Variants in KIF3C observed in about 807,000 individuals in gnomAD.
KIF3C encodes kinesin family member 3C.
A neutral mutation model predicts 67.7 loss-of-function variants in KIF3C; 12 were observed. That is an observed-to-expected ratio of 0.18 (90% CI 0.11 to 0.29). The LOEUF is 0.29. Ranked by LOEUF, KIF3C falls within the 10% of genes least tolerant of loss-of-function variation. The pLI is 1.00. For synonymous variants in KIF3C, 393 were observed against 426.2 expected (o/e 0.92, Z 0.96); for missense variants, 789 against 1,059.6 (o/e 0.74, Z 3.55).
intron 1 of KIF3C, among the ~76,000 whole-genome samples, chr2:25,959,287 G>T (rs977706277): frequency 1.3e-5 from 2 of 152,130 alleles, no homozygotes; most frequent in African/African-American, 2.4e-5. Flanking sequence ...TCTCATAATA[G>T]AATAATTATT....
At chr2:25,963,167 T>TGG (rs2149238535) in intron 1 of KIF3C, among the ~76,000 whole-genome samples, 1 of 48,564 alleles carries the variant, frequency 2.1e-5, no homozygotes, top group African/African-American at 1.3e-4. Flanking sequence ...TGTATGTATG[T>TGG]GTGTGTGTAT....
chr2:25,954,950 C>A (rs1215217003), intron 3 of KIF3C, among the ~76,000 whole-genome samples: 1 of 152,200 alleles, frequency 6.6e-6, no homozygotes, highest in Non-Finnish European at 1.5e-5. Context: ...GTGGCAGTGC[C>A]TCTGCCAGGC....
chr2:25,939,432 C>T (rs1663229969), intron 5 of KIF3C, among the ~76,000 whole-genome samples: 1 of 152,164 alleles, frequency 6.6e-6, no homozygotes, highest in Non-Finnish European at 1.5e-5. Context: ...CTTGTCTGAA[C>T]TCTCAGCCTT....
chr2:25,981,173 C>T lies in KIF3C; in HGVS notation c.745G>A (p.Gly249Ser), dbSNP rs1664581372. ...VGKLNLVDLAGSERQNKAGPN... is the reference protein window; with the variant it reads ...VGKLNLVDLASSERQNKAGPN... ...CCTGCCTTGTTCTGCCTCTCGCTGC[C>T]AGCCAGGTCCACGAGGTTGAGCTTG... The change falls in exon 1 of 8, where the codon GGC (glycine) becomes AGC (serine). Residue 249 changes from glycine (G) to serine (S), a missense_variant. Coordinates refer to ENST00000264712, the MANE Select transcript of KIF3C (RefSeq NM_002254.8). The surrounding 1 kb of genome is among the most constrained non-coding windows in gnomAD (Gnocchi z 8.2). The T allele has an allele frequency of 6.2e-7, 1 of 1,614,018 alleles. No homozygotes were observed. Among genetic ancestry groups the T allele is most frequent in the Non-Finnish European group, 8.5e-7 (1 of 1,180,048 alleles).
Position 25,928,815 on chromosome 2 carries a change from G to T in KIF3C, c.*163C>A. The T allele has an allele frequency of 1.7e-6, 1 of 601,762 alleles. No individual in the cohort carries two copies. The highest frequency in any genetic ancestry group is 2.9e-6 in the Non-Finnish European group (1 of 340,968). The allele number at this position is 601,762 out of a possible 1,614,324, so 37.3% of individuals were successfully genotyped here. On this transcript the variant is annotated 3_prime_UTR_variant, in exon 8 of 8. Coordinates refer to ENST00000264712, the MANE Select transcript of KIF3C (RefSeq NM_002254.8). Reference sequence around the variant, plus strand: ...ATAACATGAATTAAATAAAGGAGGCGAAGAAGAGCAGGCAGAGGCACCATC... The same window carrying T: ...ATAACATGAATTAAATAAAGGAGGCTAAGAAGAGCAGGCAGAGGCACCATC...
In KIF3C at chr2:25,981,977, C is replaced by T; in HGVS notation, c.-60G>A. The T allele has an allele frequency of 7.2e-7, 1 of 1,393,846 alleles. No individual in the cohort carries two copies. The highest frequency in any genetic ancestry group is 9.6e-7 in the Non-Finnish European group (1 of 1,043,394). The allele number at this position is 1,393,846 out of a possible 1,614,324, so 86.3% of individuals were successfully genotyped here. On this transcript the variant is annotated 5_prime_UTR_variant, in exon 1 of 8. Transcript: ENST00000264712. This position sits in a 1 kb window ranked among gnomAD's most constrained non-coding sequence, Gnocchi z 8.2. ...CCGCAGCCTGGGCGGTCCTGCTATC[C>T]TGCTCGCTAGGTCGGGATCAGCGGG...
At position 25,982,184 on chromosome 2, in the gene KIF3C, G is replaced by A; in HGVS notation, c.-267C>T. On this transcript the variant is annotated 5_prime_UTR_variant, in exon 1 of 8. Coordinates refer to ENST00000264712, the MANE Select transcript of KIF3C (RefSeq NM_002254.8). ...TCGCCGCGGGAGCAGCGCCTGCCGAGCAGCCGTGCCCGGAGCCCGCCCCAT... is the reference window on the plus strand; with the variant it reads ...TCGCCGCGGGAGCAGCGCCTGCCGAACAGCCGTGCCCGGAGCCCGCCCCAT... 2.2e-6 allele frequency: 1 copy of A among 448,200 alleles called. No individual in the cohort carries two copies. The highest frequency in any genetic ancestry group is 3.9e-6 in the Non-Finnish European group (1 of 255,160). 27.8% of individuals were successfully genotyped at this position (448,200 alleles called of 1,614,324 possible). A position where few individuals can be genotyped will look rare whatever the true frequency, so the allele number is the denominator to read the frequency against.
intron 5 of KIF3C, among the ~76,000 whole-genome samples, chr2:25,950,476 C>A (rs1215847263): frequency 6.6e-6 from 1 of 150,620 alleles, no homozygotes. Flanking sequence ...CCTGCCTCAG[C>A]CTCCCAAAGT....
chr2:25,964,581 C>G (rs975777336), intron 1 of KIF3C, among the ~76,000 whole-genome samples: 13 of 152,174 alleles, frequency 8.5e-5, no homozygotes, highest in Non-Finnish European at 1.8e-4. Flanking sequence ...ATCTTCCCAC[C>G]TCAGCCTTCT....
At chr2:25,962,589 C>T (rs926676972) in intron 1 of KIF3C, among the ~76,000 whole-genome samples, 1 of 149,348 alleles carries the variant, frequency 6.7e-6, no homozygotes, top group Non-Finnish European at 1.5e-5. Flanking sequence ...GTTGGTCAGG[C>T]TGGTCTTGAA....
At chr2:25,939,157 G>A (rs1266852689) in intron 5 of KIF3C, among the ~76,000 whole-genome samples, 3 of 152,096 alleles carry the variant, frequency 2.0e-5, no homozygotes, top group Non-Finnish European at 4.4e-5. Flanking sequence ...TAGTAGAGAC[G>A]GGGTTTTGCC....
In KIF3C at chr2:25,955,056, C is replaced by G. The variant is rs1663771724; in HGVS notation, c.1770+485G>C. On this transcript the variant is annotated intron_variant, in intron 3 of 7. Coordinates refer to ENST00000264712, the MANE Select transcript of KIF3C (RefSeq NM_002254.8). The surrounding 1 kb of genome is among the most constrained non-coding windows in gnomAD (Gnocchi z 5.0). Reference sequence around the variant, plus strand: ...TTGCTGCTTCCTGCCCTAGACCCCCCTCACATGTACATGTCTTTCCCTTGC... The same window carrying G: ...TTGCTGCTTCCTGCCCTAGACCCCCGTCACATGTACATGTCTTTCCCTTGC... Among the ~76,000 whole-genome samples the G allele has an allele frequency of 6.6e-6, 1 of 152,214 alleles. No homozygotes were observed. Among genetic ancestry groups the G allele is most frequent in the African/African-American group, 2.4e-5 (1 of 41,454 alleles).
chr2:25,970,071 G>A (rs1021073036), intron 1 of KIF3C, among the ~76,000 whole-genome samples: 21 of 152,192 alleles, frequency 1.4e-4, no homozygotes, highest in Admixed American at 1.4e-3. Flanking sequence ...GAAGCTGGGG[G>A]TTTGCATCAT....
At chr2:25,956,526 C>G in intron 1 of KIF3C, 82 bp from the exon 2 acceptor site, 1 of 1,042,616 alleles carries the variant, frequency 9.6e-7, no homozygotes, top group East Asian at 2.4e-5. Context: ...CTTCCCTGCT[C>G]TGTGGTCCTT....
chr2:25,952,016 G>A, intron 4 of KIF3C, 111 bp from the exon 5 acceptor site: 2 of 748,116 alleles, frequency 2.7e-6, no homozygotes, highest in South Asian at 1.5e-5. Flanking sequence ...AGGGGGCTGG[G>A]CACGGTGGCT....
chr2:25,971,309 G>A (rs375423671), intron 1 of KIF3C, among the ~76,000 whole-genome samples: 74 of 149,886 alleles, frequency 4.9e-4, no homozygotes, highest in South Asian at 3.4e-3. Flanking sequence ...ACGTGGTGGC[G>A]CGCACCTGTA....
intron 1 of KIF3C, among the ~76,000 whole-genome samples, chr2:25,967,994 C>CA: frequency 6.6e-6 from 1 of 152,100 alleles, no homozygotes; most frequent in Non-Finnish European, 1.5e-5. Flanking sequence ...AAAGCAAAAC[C>CA]AAAACAACAA....
chr2:25,981,680 G>C lies in KIF3C; in HGVS notation c.238C>G (p.Pro80Ala). 6 of 1,614,080 alleles carry C rather than the reference G, an allele frequency of 3.7e-6. No individual in the cohort carries two copies. Among genetic ancestry groups the C allele is most frequent in the Non-Finnish European group, 5.1e-6 (6 of 1,180,012 alleles). ...CCCTGGAGCACGGAGTCTATCAGGG[G>C]CCTCACGGTTTCGTCATACAGGTCG... ...QADLYDETVR[P>A]LIDSVLQGFN... The change falls in exon 1 of 8, where the codon CCC becomes GCC. Residue 80 changes from proline to alanine, a missense_variant. Transcript: ENST00000264712. This position sits in a 1 kb window ranked among gnomAD's most constrained non-coding sequence, Gnocchi z 8.2.
At position 25,951,758 on chromosome 2, in the gene KIF3C, C is replaced by T. The variant is rs755602114; in HGVS notation, c.2006+31G>A. 6.6e-6 allele frequency: 10 copies of T among 1,514,490 alleles called. No individual in the cohort carries two copies. In the Admixed American group the frequency reaches 1.7e-4, roughly 25 times the overall value. 93.8% of individuals were successfully genotyped at this position (1,514,490 alleles called of 1,614,324 possible). ...CGACCTGGAGTGGACCCACAAGTCC[C>T]CCAGCCCAGACAGCTGGGTTAGAGA... On this transcript the variant is annotated intron_variant, in intron 5 of 7. Coordinates refer to ENST00000264712, the MANE Select transcript of KIF3C (RefSeq NM_002254.8).
Sources: allele counts gnomAD v4.1 joint callset (sites outside exome capture counted in the v4.1 genomes callset), GRCh38; gene constraint gnomAD v4.1.1; non-coding constraint Gnocchi (gnomAD v3.1); transcripts MANE v1.5; gene names NCBI Gene and HGNC (gene_info 2026-07-23, HGNC 2026-07-21).